AOAH: variants seen among roughly 807,000 people sequenced by gnomAD.
AOAH encodes acyloxyacyl hydrolase (neutrophil).
Under a neutral mutation model 92.2 loss-of-function variants are expected in AOAH, and 64 were observed. The observed-to-expected ratio is 0.69, with a 90% CI of 0.57 to 0.86. The LOEUF (loss-of-function observed/expected upper bound fraction) is 0.86, where lower values mean the gene tolerates loss of function less well. Among genes scored for constraint, AOAH ranks in the 40% least tolerant of loss-of-function variants. The pLI, the probability that AOAH is intolerant of heterozygous loss-of-function variation, is 0.00. For missense variants in AOAH, 656 were observed against 694.6 expected, an observed-to-expected ratio of 0.94 and a Z score of 0.62; for synonymous variants, 263 against 254.5, an observed-to-expected ratio of 1.03 and a Z score of -0.32.
At chr7:36,550,795 C>T (rs187281601) in intron 13 of AOAH, among the ~76,000 whole-genome samples, 1 of 152,270 alleles carries the variant, frequency 6.6e-6, no homozygotes, top group African/African-American at 2.4e-5. Context: ...AACTTCCAGC[C>T]TTGGAAGCTT....
At chr7:36,596,433 T>G (rs1329762960) in intron 11 of AOAH, among the ~76,000 whole-genome samples, 1 of 152,172 alleles carries the variant, frequency 6.6e-6, no homozygotes, top group African/African-American at 2.4e-5. Flanking sequence ...CACCTCAGAA[T>G]GTGACCTTGT....
intron 9 of AOAH, 49 bp downstream of exon 9, chr7:36,620,732 G>A (rs1792218154): frequency 6.3e-7 from 1 of 1,577,480 alleles, no homozygotes; most frequent in Non-Finnish European, 8.7e-7. Flanking sequence ...AGCTTTAGGG[G>A]AGGGAGGAAC....
At chr7:36,586,119 C>T (rs1789305084) in intron 12 of AOAH, among the ~76,000 whole-genome samples, 1 of 151,958 alleles carries the variant, frequency 6.6e-6, no homozygotes, top group Admixed American at 6.6e-5. Flanking sequence ...TCATTCTTTC[C>T]TTCATTCCCT....
chr7:36,629,445 A>G (rs1278156121), intron 6 of AOAH, among the ~76,000 whole-genome samples: 3 of 152,122 alleles, frequency 2.0e-5, no homozygotes, highest in Non-Finnish European at 4.4e-5. Flanking sequence ...AATGGGAGCT[A>G]GGCATGATGA....
intron 13 of AOAH, among the ~76,000 whole-genome samples, chr7:36,568,599 C>A (rs1204325372): frequency 6.6e-6 from 1 of 152,176 alleles, no homozygotes; most frequent in Non-Finnish European, 1.5e-5. Flanking sequence ...GAGCTGTGCT[C>A]ATAGCATAAC....
At chr7:36,703,374 A>G (rs1292314306) in intron 1 of AOAH, among the ~76,000 whole-genome samples, 1 of 152,098 alleles carries the variant, frequency 6.6e-6, no homozygotes, top group African/African-American at 2.4e-5. Context: ...TGGCAGCTAT[A>G]ACTTTATGTA....
chr7:36,659,066 C>G (rs1259104434), intron 4 of AOAH, 100 bp downstream of exon 4: 3 of 997,426 alleles, frequency 3.0e-6, no homozygotes, highest in Non-Finnish European at 4.8e-6. Flanking sequence ...CTCCCTGTCC[C>G]CAAAACACTG....
intron 3 of AOAH, among the ~76,000 whole-genome samples, chr7:36,665,776 TA>T (rs1244968488): frequency 1.3e-5 from 2 of 152,276 alleles, no homozygotes; most frequent in Admixed American, 1.3e-4. Flanking sequence ...TGGATTTTGT[TA>T]AATGCTTTTT....
At chr7:36,695,628 C>G (rs947505471) in intron 1 of AOAH, among the ~76,000 whole-genome samples, 2 of 152,130 alleles carry the variant, frequency 1.3e-5, no homozygotes, top group African/African-American at 4.8e-5. Flanking sequence ...TTATATTCTC[C>G]TAAGTGCCAC....
At chr7:36,574,626 C>G (rs2116619192) in intron 13 of AOAH, among the ~76,000 whole-genome samples, 1 of 152,306 alleles carries the variant, frequency 6.6e-6, no homozygotes, top group African/African-American at 2.4e-5. Context: ...TGGCAGAATC[C>G]TATCACTCAG....
intron 1 of AOAH, chr7:36,690,272 T>C (rs1797312502): frequency 7.1e-6 from 3 of 423,040 alleles, no homozygotes; most frequent in South Asian, 5.2e-5. Context: ...ATCGTCACTT[T>C]GCCCAGTGAA....
intron 20 of AOAH, 117 bp from the exon 21 acceptor site, chr7:36,513,497 A>G (rs1367554548): frequency 3.1e-6 from 3 of 969,012 alleles, no homozygotes; most frequent in East Asian, 5.1e-5. Context: ...CATGACTCCC[A>G]CCCCCATGTC....
chr7:36,702,082 A>G (rs1054262918), intron 1 of AOAH, among the ~76,000 whole-genome samples: 11 of 152,108 alleles, frequency 7.2e-5, no homozygotes, highest in Non-Finnish European at 1.0e-4. Context: ...TATTTGGGCT[A>G]TTTTTGTCAT....
intron 4 of AOAH, among the ~76,000 whole-genome samples, chr7:36,649,040 G>A (rs1266245573): frequency 1.3e-5 from 2 of 152,206 alleles, no homozygotes; most frequent in Admixed American, 1.3e-4. Context: ...TAGATGCTGT[G>A]TATATGCTAA....
chr7:36,562,087 A>G (rs1166614014), intron 13 of AOAH, among the ~76,000 whole-genome samples: 1 of 152,088 alleles, frequency 6.6e-6, no homozygotes, highest in East Asian at 1.9e-4. Flanking sequence ...GCCTTCCACT[A>G]TTTCTATTTC....
chr7:36,659,112 C>G (rs1795049742), intron 4 of AOAH, 54 bp downstream of exon 4: 8 of 1,462,056 alleles, frequency 5.5e-6, no homozygotes, highest in Admixed American at 1.7e-5. Flanking sequence ...TCTAACATTT[C>G]CAAAAGCCTT....
In AOAH at chr7:36,621,752, C is replaced by T; in HGVS notation, c.611G>A (p.Arg204Lys). 3 of 1,614,168 alleles carry T rather than the reference C, an allele frequency of 1.9e-6. No individual in the cohort carries two copies. The highest frequency in any genetic ancestry group is 1.7e-6 in the Non-Finnish European group (2 of 1,180,028). Residue 204 changes from arginine to lysine, a missense_variant, in exon 8 of 21, where the codon AGA becomes AAA. Physicochemically the swap from Arg to Lys is conservative, Grantham distance 26. Coordinates refer to ENST00000617537, the MANE Select transcript of AOAH (RefSeq NM_001637.4). Reference sequence around the variant, plus strand: ...TGACTCGTCGCTGTCATTACAGTCTCTCCCCCGCCAGTGATAGCCCCGCAG... The same window carrying T: ...TGACTCGTCGCTGTCATTACAGTCTTTCCCCCGCCAGTGATAGCCCCGCAG... ...PTLRGYHWRG[R>K]DCNDSDESVY... is the part of the protein sequence containing the mutation.
rs1049215440 is a variant in AOAH, at chr7:36,673,929, C to T, written c.290+14G>A. The T allele has an allele frequency of 1.1e-5, 18 of 1,590,608 alleles. No homozygotes were observed. The highest frequency in any genetic ancestry group is 1.6e-5 in the Non-Finnish European group (18 of 1,160,456). On this transcript the variant is annotated intron_variant, in intron 3 of 20. Transcript: ENST00000617537. Reference sequence around the variant, plus strand: ...CAGCAATGGAATCAGAGTTATGTGTCATGGCATACTCACAGTTTTATGATG... The same window carrying T: ...CAGCAATGGAATCAGAGTTATGTGTTATGGCATACTCACAGTTTTATGATG...
chr7:36,563,053 A>G (rs56117467), intron 13 of AOAH, among the ~76,000 whole-genome samples: 1 of 146,190 alleles, frequency 6.8e-6, no homozygotes, highest in East Asian at 2.1e-4. Flanking sequence ...AGGCTGAGGC[A>G]GGAGAATCAC....
Sources: allele counts gnomAD v4.1 joint callset (sites outside exome capture counted in the v4.1 genomes callset), GRCh38; gene constraint gnomAD v4.1.1; transcripts MANE v1.5; gene names NCBI Gene and HGNC (gene_info 2026-07-23, HGNC 2026-07-21).